PLCB1: variants seen among roughly 807,000 people sequenced by gnomAD.
PLCB1 encodes phospholipase C beta 1.
PLCB1 carries 46 observed loss-of-function variants against 161.8 expected under a neutral mutation model. That is an observed-to-expected ratio of 0.28 (90% confidence interval 0.22 to 0.36). The LOEUF is 0.36. PLCB1 is among the 10% of genes least tolerant of loss of function. The pLI, the probability that PLCB1 is intolerant of heterozygous loss-of-function variation, is 1.00. For synonymous variants in PLCB1, 517 were observed against 503.7 expected (o/e 1.03, Z -0.35); for missense variants, 1,016 against 1,472.5 (o/e 0.69, Z 5.07).
At chr20:8,448,557 C>T (rs1049655629) in intron 3 of PLCB1, among the ~76,000 whole-genome samples, 3 of 152,128 alleles carry the variant, frequency 2.0e-5, no homozygotes, top group African/African-American at 7.2e-5. Context: ...TTGTGAAAAT[C>T]CTTTCTTATA....
chr20:8,402,683 A>G (rs1244791329), intron 3 of PLCB1, among the ~76,000 whole-genome samples: 2 of 151,316 alleles, frequency 1.3e-5, no homozygotes, highest in African/African-American at 4.9e-5. Flanking sequence ...AAATACAAAA[A>G]AAAAAAAAAA....
chr20:8,843,906 A>C (rs551727072), intron 31 of PLCB1, among the ~76,000 whole-genome samples: 1 of 152,326 alleles, frequency 6.6e-6, no homozygotes, highest in South Asian at 2.1e-4. Context: ...TTAAAATGGA[A>C]GGTGTGCATC....
At chr20:8,736,048 G>A (rs145663866) in intron 19 of PLCB1, among the ~76,000 whole-genome samples, 153 of 152,284 alleles carry the variant, frequency 1.0e-3, no homozygotes, top group African/African-American at 3.4e-3. Context: ...TGTGAGCCCA[G>A]CCATAATGCT....
intron 3 of PLCB1, among the ~76,000 whole-genome samples, chr20:8,424,862 G>A (rs1979683579): frequency 6.6e-6 from 1 of 152,146 alleles, no homozygotes; most frequent in Non-Finnish European, 1.5e-5. Context: ...GAAAACAAAA[G>A]TACACTCCAC....
At chr20:8,876,507 T>C (rs1568633659) in intron 31 of PLCB1, among the ~76,000 whole-genome samples, 1 of 152,124 alleles carries the variant, frequency 6.6e-6, no homozygotes, top group Non-Finnish European at 1.5e-5. Flanking sequence ...ATTTTATGGG[T>C]CCAGGCCACA....
chr20:8,404,519 T>G (rs964420804), intron 3 of PLCB1, among the ~76,000 whole-genome samples: 6 of 152,302 alleles, frequency 3.9e-5, no homozygotes, highest in African/African-American at 1.2e-4. Flanking sequence ...CCCTTCTTCC[T>G]TTTTTCTCCC....
intron 2 of PLCB1, among the ~76,000 whole-genome samples, chr20:8,160,806 A>G (rs748211565): frequency 1.1e-4 from 17 of 152,212 alleles, no homozygotes; most frequent in Non-Finnish European, 2.1e-4. Flanking sequence ...TTAGATTGAT[A>G]GTTGGATTAT....
chr20:8,276,968 CTTCTTCTTCTTCTTCTTCTTA>C lies in PLCB1; in HGVS notation c.178-94411_178-94391del, dbSNP rs1360007465. 5.5e-3 allele frequency among the ~76,000 whole-genome samples: 623 copies of C among 114,202 alleles called. 1 individual carries two copies. Among genetic ancestry groups the C allele is most frequent in the African/African-American group, 7.4e-3 (221 of 29,936 alleles). The allele number at this position is 114,202 out of a possible 152,430, so 74.9% of individuals were successfully genotyped here. A position where few individuals can be genotyped will look rare whatever the true frequency, so the allele number is the denominator to read the frequency against. ...TCTTCTTCTTCTTCTTCTTCTTCTT[CTTCTTCTTCTTCTTCTTCTTA>C]TTATTATTATTATTATTATTATTAT... On this transcript the variant is annotated intron_variant, in intron 2 of 31. Transcript: ENST00000338037.
At chr20:8,576,396 A>G (rs942585162) in intron 3 of PLCB1, among the ~76,000 whole-genome samples, 41 of 152,248 alleles carry the variant, frequency 2.7e-4, no homozygotes, top group African/African-American at 9.9e-4. Context: ...GAAGAAAGAC[A>G]CTCTGATCAG....
intron 9 of PLCB1, among the ~76,000 whole-genome samples, chr20:8,682,098 C>T (rs535882154): frequency 1.3e-3 from 191 of 151,930 alleles, no homozygotes; most frequent in African/African-American, 4.1e-3. Flanking sequence ...GTGCATTTAT[C>T]GTATGGTAGA....
chr20:8,405,549 C>T (rs73897464), intron 3 of PLCB1, among the ~76,000 whole-genome samples: 2,672 of 152,262 alleles, frequency 0.018, 87 homozygotes, highest in African/African-American at 0.062. Flanking sequence ...GATGTGGATA[C>T]AGGGAAGGTG....
At chr20:8,473,106 A>G (rs1418292295) in intron 3 of PLCB1, among the ~76,000 whole-genome samples, 1 of 152,200 alleles carries the variant, frequency 6.6e-6, no homozygotes, top group Admixed American at 6.5e-5. Flanking sequence ...GCTAGAAGTC[A>G]GTCATATCAC....
At chr20:8,219,562 T>G (rs181129431) in intron 2 of PLCB1, among the ~76,000 whole-genome samples, 13 of 152,142 alleles carry the variant, frequency 8.5e-5, no homozygotes, top group Admixed American at 6.6e-4. Flanking sequence ...CTTGCCAAGC[T>G]CTAGTTTGTT....
chr20:8,278,834 A>G (rs898947181), intron 2 of PLCB1, among the ~76,000 whole-genome samples: 1 of 152,124 alleles, frequency 6.6e-6, no homozygotes, highest in African/African-American at 2.4e-5. Context: ...CCAGGTATGC[A>G]CTGTTGGAAA....
intron 3 of PLCB1, among the ~76,000 whole-genome samples, chr20:8,442,776 C>T (rs1203976227): frequency 6.6e-6 from 1 of 152,030 alleles, no homozygotes; most frequent in Admixed American, 6.6e-5. Flanking sequence ...CTTGCCATGA[C>T]ATTGAAACTA....
intron 3 of PLCB1, among the ~76,000 whole-genome samples, chr20:8,606,187 G>C (rs1987753032): frequency 6.6e-6 from 1 of 152,046 alleles, no homozygotes; most frequent in Non-Finnish European, 1.5e-5. Context: ...TCATGGTTTT[G>C]TTGTTTACAT....
intron 31 of PLCB1, among the ~76,000 whole-genome samples, chr20:8,878,501 ATGGAG>A (rs1330148220): frequency 3.3e-5 from 5 of 152,214 alleles, no homozygotes; most frequent in African/African-American, 1.2e-4. Flanking sequence ...ATGTGCCAAC[ATGGAG>A]AGTAGGGCCC....
In PLCB1 at chr20:8,699,612, C is replaced by G. The variant is rs141323340; in HGVS notation, c.1167+1829C>G. Reference sequence around the variant, plus strand: ...GAGATGTGAGAAAATAAACAGTGATCACTGAAGAAAGCAGCTAACAAGAAG... The same window carrying G: ...GAGATGTGAGAAAATAAACAGTGATGACTGAAGAAAGCAGCTAACAAGAAG... On this transcript the variant is annotated intron_variant, in intron 11 of 31. Transcript: ENST00000338037. 5.3e-5 allele frequency among the ~76,000 whole-genome samples: 8 copies of G among 152,268 alleles called. No homozygotes were observed. The East Asian group carries it at 1.4e-3, about 26-fold the overall frequency.
chr20:8,219,127 T>A (rs1979282206), intron 2 of PLCB1, among the ~76,000 whole-genome samples: 1 of 152,180 alleles, frequency 6.6e-6, no homozygotes, highest in Non-Finnish European at 1.5e-5. Context: ...GTGACACTCA[T>A]TGTGGTTCTC....
Sources: gnomAD v4.1 joint callset for allele counts (sites outside exome capture counted in the v4.1 genomes callset) on GRCh38, gnomAD v4.1.1 for gene constraint, MANE v1.5 for transcripts, NCBI Gene and HGNC (gene_info 2026-07-23, HGNC 2026-07-21) for gene names.